TPCN2: variants seen among roughly 807,000 people sequenced by gnomAD.
TPCN2 encodes the protein two pore channel protein 2.
In TPCN2, 92 loss-of-function variants were observed where a neutral mutation model predicts 111.4. That is an observed-to-expected ratio of 0.83 (90% confidence interval 0.70 to 0.98). TPCN2 has a LOEUF of 0.98. Ranked by LOEUF, TPCN2 falls within the 50% of genes least tolerant of loss-of-function variation. The probability of loss-of-function intolerance (pLI) is 0.00; values close to 1 mark genes in which losing one functional copy is unlikely to be tolerated. For missense variants in TPCN2, 995 were observed against 980.1 expected, an observed-to-expected ratio of 1.02 and a Z score of -0.20; for synonymous variants, 405 against 414.5, an observed-to-expected ratio of 0.98 and a Z score of 0.28.
At chr11:69,054,350 G>A (rs1277085211) in intron 2 of TPCN2, 4 of 574,704 alleles carry the variant, frequency 7.0e-6, no homozygotes, top group East Asian at 5.8e-5. Context: ...TCTAGGTCCC[G>A]GGTGGGTGGG....
chr11:69,087,302 G>A (rs1185170622), intron 24 of TPCN2, 96 bp downstream of exon 24: 1 of 1,039,354 alleles, frequency 9.6e-7, no homozygotes, highest in Non-Finnish European at 1.5e-6. Flanking sequence ...AGGCCCTGAT[G>A]ACTGTCCTCC....
intron 5 of TPCN2, among the ~76,000 whole-genome samples, chr11:69,062,386 G>T (rs1855061391): frequency 6.6e-6 from 1 of 152,128 alleles, no homozygotes; most frequent in African/African-American, 2.4e-5. Context: ...GTGTGAGTGT[G>T]GGGGTGTGGA....
rs574637939 is a variant in TPCN2, at chr11:69,048,980, C to T, written c.-18C>T. ...GGCTTGAGCTTCTGAGGGTCGGGTC[C>T]AGCGCGTGGGCTGCTGGATGGCGGA... On this transcript the variant is annotated 5_prime_UTR_variant, in exon 1 of 25. Coordinates refer to ENST00000294309, the MANE Select transcript of TPCN2 (RefSeq NM_139075.4). 11 of 1,233,788 alleles carry T rather than the reference C, an allele frequency of 8.9e-6. No homozygotes were observed. The highest frequency in any genetic ancestry group is 5.1e-6 in the Non-Finnish European group (5 of 985,068). The allele number at this position is 1,233,788 out of a possible 1,614,324, so 76.4% of individuals were successfully genotyped here.
chr11:69,072,447 C>A (rs934653074), intron 11 of TPCN2, among the ~76,000 whole-genome samples, 180 bp from the exon 12 acceptor site: 1 of 151,900 alleles, frequency 6.6e-6, no homozygotes. Context: ...AGTCAGTTTG[C>A]GCCTTCTCGG....
In TPCN2 at chr11:69,064,297, C is replaced by T. The variant is rs1195044412; in HGVS notation, c.726+330C>T. On this transcript the variant is annotated intron_variant, in intron 7 of 24. Transcript: ENST00000294309. ...CCCACTTCCCTCCCCCCTCCCTATCCCCCGCCCCTCCCCGCCCTTCCCCGC... is the reference window on the plus strand; with the variant it reads ...CCCACTTCCCTCCCCCCTCCCTATCTCCCGCCCCTCCCCGCCCTTCCCCGC... Among the ~76,000 whole-genome samples the T allele has an allele frequency of 7.9e-5, 10 of 126,310 alleles. No homozygotes were observed. The East Asian group carries it at 2.5e-3, about 32-fold the overall frequency. 82.9% of individuals were successfully genotyped at this position (126,310 alleles called of 152,430 possible). A position where few individuals can be genotyped will look rare whatever the true frequency, so the allele number is the denominator to read the frequency against.
chr11:69,048,986 G>T lies in TPCN2; in HGVS notation c.-12G>T, dbSNP rs796867338. The T allele has an allele frequency of 2.3e-5, 28 of 1,233,854 alleles. No homozygotes were observed. In the South Asian group the frequency reaches 9.4e-4, roughly 41 times the overall value. 76.4% of individuals were successfully genotyped at this position (1,233,854 alleles called of 1,614,324 possible). Reference sequence around the variant, plus strand: ...AGCTTCTGAGGGTCGGGTCCAGCGCGTGGGCTGCTGGATGGCGGAACCCCA... The same window carrying T: ...AGCTTCTGAGGGTCGGGTCCAGCGCTTGGGCTGCTGGATGGCGGAACCCCA... On this transcript the variant is annotated 5_prime_UTR_variant, in exon 1 of 25. Transcript: ENST00000294309.
rs376699718 is a variant in TPCN2 at position 69,078,465 on chromosome 11, G to A, written c.1231-17G>A. On this transcript the variant is annotated splice_polypyrimidine_tract_variant and intron_variant, in intron 13 of 24. Transcript: ENST00000294309. Reference sequence around the variant, plus strand: ...GCTGCTGGCCTGTGCTTCTGAGCACGTGTGTTCCTTGCCCAGCACCCGCCG... The same window carrying A: ...GCTGCTGGCCTGTGCTTCTGAGCACATGTGTTCCTTGCCCAGCACCCGCCG... The A allele has an allele frequency of 9.7e-5, 156 of 1,613,814 alleles. No individual in the cohort carries two copies. Among genetic ancestry groups the A allele is most frequent in the Non-Finnish European group, 5.4e-5 (64 of 1,180,012 alleles).
intron 7 of TPCN2, among the ~76,000 whole-genome samples, 173 bp from the exon 8 acceptor site, chr11:69,067,330 G>A (rs1457275080): frequency 3.3e-5 from 5 of 152,208 alleles, no homozygotes; most frequent in Admixed American, 6.5e-5. Context: ...TCTTGCGCCC[G>A]GAGATCCTGA....
intron 16 of TPCN2, 27 bp downstream of exon 16, chr11:69,079,047 C>T: frequency 6.3e-7 from 1 of 1,589,238 alleles, no homozygotes; most frequent in Non-Finnish European, 8.6e-7. Flanking sequence ...CGAGGCCGGC[C>T]TCTACTGGGC....
chr11:69,072,611 G>T lies in TPCN2; in HGVS notation c.1062-16G>T, dbSNP rs776903063. ...GAGCTGGCTGTGCTCACCGGGCTGT[G>T]GGTTTTTCCCTGCAGAGTTGGGGTG... On this transcript the variant is annotated splice_polypyrimidine_tract_variant and intron_variant, in intron 11 of 24. Transcript: ENST00000294309. The T allele has an allele frequency of 6.2e-7, 1 of 1,613,688 alleles. No homozygotes were observed. Among genetic ancestry groups the T allele is most frequent in the Non-Finnish European group, 8.5e-7 (1 of 1,179,848 alleles).
chr11:69,067,717 G>A (rs1449507922), intron 8 of TPCN2, 112 bp downstream of exon 8: 15 of 768,634 alleles, frequency 2.0e-5, no homozygotes, highest in South Asian at 1.9e-4. Flanking sequence ...CCTTTTTTTC[G>A]ATAAGTGGAG....
chr11:69,072,132 C>A, intron 11 of TPCN2, 109 bp downstream of exon 11: 2 of 919,602 alleles, frequency 2.2e-6, no homozygotes, highest in South Asian at 1.6e-5. Context: ...TGCCTCGCCC[C>A]TGCTGGCTGG....
chr11:69,059,402 G>A (rs1482724433), intron 5 of TPCN2, among the ~76,000 whole-genome samples: 4 of 152,202 alleles, frequency 2.6e-5, no homozygotes, highest in Non-Finnish European at 4.4e-5. Context: ...GACCCAGAAT[G>A]GGGGAGGTGG....
At chr11:69,058,587 C>T (rs1854879290) in intron 5 of TPCN2, among the ~76,000 whole-genome samples, 1 of 152,234 alleles carries the variant, frequency 6.6e-6, no homozygotes, top group South Asian at 2.1e-4. Flanking sequence ...ATCTCCTGTC[C>T]CCGCCTGCCC....
intron 9 of TPCN2, 67 bp downstream of exon 9, chr11:69,070,562 T>C (rs2134582831): frequency 1.7e-6 from 2 of 1,184,002 alleles, no homozygotes; most frequent in East Asian, 4.8e-5. Context: ...CGATACACCC[T>C]GCTGCCTCCA....
At chr11:69,054,000 C>G in intron 1 of TPCN2, 33 bp from the exon 2 acceptor site, 1 of 1,595,386 alleles carries the variant, frequency 6.3e-7, no homozygotes, top group Middle Eastern at 1.7e-4. Flanking sequence ...TGTCATCCTG[C>G]TCGGTCACCT....
intron 1 of TPCN2, among the ~76,000 whole-genome samples, chr11:69,049,715 C>T (rs999193779): frequency 1.3e-5 from 2 of 152,172 alleles, no homozygotes; most frequent in African/African-American, 4.8e-5. Context: ...CCTCTCCTTG[C>T]CCTCTGCCAC....
At chr11:69,083,130 G>T (rs1226869350) in intron 18 of TPCN2, 3 of 152,758 alleles carry the variant, frequency 2.0e-5, no homozygotes, top group Non-Finnish European at 4.4e-5. Flanking sequence ...ATGCATGATC[G>T]TGTGTGCACA....
At chr11:69,064,383 A>G (rs944449722) in intron 7 of TPCN2, among the ~76,000 whole-genome samples, 1 of 147,632 alleles carries the variant, frequency 6.8e-6, no homozygotes, top group Non-Finnish European at 1.5e-5. Flanking sequence ...ATCCTTCCTG[A>G]CAACCAGGCT....
Sources: allele counts gnomAD v4.1 joint callset (sites outside exome capture counted in the v4.1 genomes callset), GRCh38; gene constraint gnomAD v4.1.1; transcripts MANE v1.5; gene names NCBI Gene and HGNC (gene_info 2026-07-23, HGNC 2026-07-21).